TGS1: variants seen among roughly 807,000 people sequenced by gnomAD.
TGS1 encodes trimethylguanosine synthase 1.
A neutral mutation model predicts 92.2 loss-of-function variants in TGS1; 69 were observed. The observed-to-expected ratio is 0.75, with a 90% confidence interval of 0.62 to 0.91. The LOEUF is 0.91. TGS1 is among the 40% of genes least tolerant of loss of function. The pLI, the probability that TGS1 is intolerant of heterozygous loss-of-function variation, is 0.00. For missense variants in TGS1, 1,062 were observed against 1,001.2 expected, an observed-to-expected ratio of 1.06 and a Z score of -0.82; for synonymous variants, 345 against 338.1, an observed-to-expected ratio of 1.02 and a Z score of -0.22.
chr8:55,792,684 T>G lies in TGS1; in HGVS notation c.1281-14T>G, dbSNP rs531127742. 4.2e-5 allele frequency: 67 copies of G among 1,603,280 alleles called. No homozygotes were observed. In the South Asian group the frequency reaches 6.9e-4, roughly 17 times the overall value. On this transcript the variant is annotated splice_polypyrimidine_tract_variant and intron_variant, in intron 5 of 12. Coordinates refer to ENST00000260129, the MANE Select transcript of TGS1 (RefSeq NM_024831.8). ...TGGTAATGGCTTATCACTGTTTACC[T>G]TTTCTTTATTTAGCCATGAACTGGA...
Position 55,824,730 on chromosome 8 carries a change from T to C in TGS1, c.*27T>C. ...TATGCAGCAGTGCGAGGACAAAAGA[T>C]CATGGAGTGGTCAAAATATTCAGAT... On this transcript the variant is annotated 3_prime_UTR_variant, in exon 13 of 13. Transcript: ENST00000260129. 6.2e-7 allele frequency: 1 copy of C among 1,612,244 alleles called. No homozygotes were observed. Among genetic ancestry groups the C allele is most frequent in the Non-Finnish European group, 8.5e-7 (1 of 1,179,088 alleles).
chr8:55,784,702 G>A (rs946265568), intron 2 of TGS1, among the ~76,000 whole-genome samples: 1 of 152,182 alleles, frequency 6.6e-6, no homozygotes, highest in Non-Finnish European at 1.5e-5. Context: ...GTATTGAAGT[G>A]TCTGTGAGGG....
At position 55,781,090 on chromosome 8, in the gene TGS1, C is replaced by G. The variant is rs147498147; in HGVS notation, c.102-1658C>G. ...AGCTGGCTGCTCATTGTGCTTATTG[C>G]TCCTGTGCCCTCTTAGTAGAGAGAG... On this transcript the variant is annotated intron_variant, in intron 1 of 12. Coordinates refer to ENST00000260129, the MANE Select transcript of TGS1 (RefSeq NM_024831.8). 4.9e-4 allele frequency among the ~76,000 whole-genome samples: 75 copies of G among 152,294 alleles called. 1 individual carries two copies. The highest frequency in any genetic ancestry group is 1.7e-3 in the African/African-American group (70 of 41,568).
At chr8:55,821,453 C>T (rs768787852) in intron 12 of TGS1, among the ~76,000 whole-genome samples, 4 of 152,132 alleles carry the variant, frequency 2.6e-5, no homozygotes, top group Admixed American at 6.5e-5. Context: ...ATCTTACCTC[C>T]GTTTTTTATT....
chr8:55,824,921 T>C lies in TGS1; in HGVS notation c.*218T>C, dbSNP rs1803749957. The C allele has an allele frequency of 2.1e-6, 1 of 474,074 alleles. No homozygotes were observed. 29.4% of individuals were successfully genotyped at this position (474,074 alleles called of 1,614,324 possible). On this transcript the variant is annotated 3_prime_UTR_variant, in exon 13 of 13. Transcript: ENST00000260129. ...ACAAAATTAATATATATGAGTCCTT[T>C]GTAATTTATTTTTTTTTGAGACAGG...
At chr8:55,808,715 G>T (rs920604721) in intron 10 of TGS1, among the ~76,000 whole-genome samples, 1 of 151,938 alleles carries the variant, frequency 6.6e-6, no homozygotes, top group Non-Finnish European at 1.5e-5. Flanking sequence ...CACCATGTTG[G>T]CCAGGGTGGT....
At chr8:55,791,580 C>A (rs1811886538) in intron 5 of TGS1, among the ~76,000 whole-genome samples, 2 of 152,212 alleles carry the variant, frequency 1.3e-5, no homozygotes, top group Non-Finnish European at 2.9e-5. Flanking sequence ...TCAAAACTCA[C>A]CAGCTGTTTG....
At chr8:55,810,123 T>G (rs1803299428) in intron 10 of TGS1, among the ~76,000 whole-genome samples, 1 of 152,236 alleles carries the variant, frequency 6.6e-6, no homozygotes, top group Non-Finnish European at 1.5e-5. Flanking sequence ...ACAATTTCCA[T>G]GACAACCACG....
At chr8:55,810,746 A>G (rs1803315447) in intron 10 of TGS1, 135 bp from the exon 11 acceptor site, 1 of 677,634 alleles carries the variant, frequency 1.5e-6, no homozygotes, top group South Asian at 1.8e-5. Context: ...TATCTCGGGT[A>G]TATGTGGCCA....
intron 5 of TGS1, among the ~76,000 whole-genome samples, chr8:55,792,385 G>A (rs1811910757): frequency 6.6e-6 from 1 of 152,140 alleles, no homozygotes; most frequent in Non-Finnish European, 1.5e-5. Context: ...TAAGGCTGCA[G>A]CTTTTACTGA....
chr8:55,805,192 C>G (rs374628522), intron 10 of TGS1, among the ~76,000 whole-genome samples, 156 bp downstream of exon 10: 31 of 152,186 alleles, frequency 2.0e-4, no homozygotes, highest in African/African-American at 6.3e-4. Flanking sequence ...TAAGCATATA[C>G]TTTGTATTGC....
intron 1 of TGS1, among the ~76,000 whole-genome samples, chr8:55,774,834 G>T (rs1442698076): frequency 6.6e-6 from 1 of 152,206 alleles, no homozygotes; most frequent in African/African-American, 2.4e-5. Flanking sequence ...TGAGGAAGTA[G>T]CTTTTGGAAA....
chr8:55,790,954 T>C (rs1394176263), intron 5 of TGS1, among the ~76,000 whole-genome samples: 1 of 128,574 alleles, frequency 7.8e-6, no homozygotes. Flanking sequence ...AACTAATAAT[T>C]AAATTCATAT....
chr8:55,788,779 T>C (rs1563454719), intron 4 of TGS1, among the ~76,000 whole-genome samples: 1 of 152,166 alleles, frequency 6.6e-6, no homozygotes, highest in Non-Finnish European at 1.5e-5. Flanking sequence ...CTGAAGATTT[T>C]ATATTAGTAT....
At chr8:55,802,645 C>G in intron 9 of TGS1, 39 bp downstream of exon 9, 2 of 1,550,606 alleles carry the variant, frequency 1.3e-6, no homozygotes, top group Non-Finnish European at 1.7e-6. Context: ...ATTTTGAAAC[C>G]ACTTCAAACT....
Position 55,786,490 on chromosome 8 carries a change from T to C in TGS1, c.592T>C (p.Trp198Arg), listed in dbSNP as rs1362198594. The C allele has an allele frequency of 6.2e-7, 1 of 1,613,876 alleles. No homozygotes were observed. Among genetic ancestry groups the C allele is most frequent in the Admixed American group, 1.7e-5 (1 of 59,976 alleles). Residue 198 changes from tryptophan (W) to arginine (R), a missense_variant, in exon 4 of 13, where the codon TGG becomes CGG. By Grantham distance (101) the Trp-to-Arg change is moderately radical. Coordinates refer to ENST00000260129, the MANE Select transcript of TGS1 (RefSeq NM_024831.8). ...LSPKLEITEK[W>R]EKYWNEYGGG... is the part of the protein sequence containing the mutation. ...TCCAAAGCTAGAAATTACAGAGAAA[T>C]GGGAAAAGTATTGGAATGAATATGG...
At chr8:55,785,953 GA>G (rs1811697640) in intron 3 of TGS1, 62 bp downstream of exon 3, 6 of 1,388,180 alleles carry the variant, frequency 4.3e-6, no homozygotes, top group Middle Eastern at 1.9e-4. Flanking sequence ...ATATCGCAAG[GA>G]ATTACTTTTT....
At position 55,811,577 on chromosome 8, in the gene TGS1, C is replaced by T. The variant is rs573143792; in HGVS notation, c.2360+480C>T. The stretch of plus-strand genomic sequence containing the variant: ...GAGATCGAGACCATCCTGGCTAACA[C>T]GGTGAAACCTCATCTCTACTAAAAA... On this transcript the variant is annotated intron_variant, in intron 11 of 12. Coordinates refer to ENST00000260129, the MANE Select transcript of TGS1 (RefSeq NM_024831.8). Among the ~76,000 whole-genome samples, 58 of 151,540 alleles carry T rather than the reference C, an allele frequency of 3.8e-4. 1 individual carries two copies. The East Asian group carries it at 8.8e-3, about 23-fold the overall frequency.
Position 55,786,307 on chromosome 8 carries a change from A to C in TGS1, c.409A>C (p.Ile137Leu). ...KKHQKKYLDE[I>L]VQESWRKEYE... ...ACATCAAAAGAAATACTTAGATGAA[A>C]TTGTGCAAGAATCTTGGAGAAAAGA... Residue 137 changes from isoleucine (I) to leucine (L), a missense_variant, in exon 4 of 13, where the codon ATT becomes CTT. By Grantham distance (5) the Ile-to-Leu change is conservative (BLOSUM62 2). Transcript: ENST00000260129. The C allele has an allele frequency of 6.3e-7, 1 of 1,585,364 alleles. No individual in the cohort carries two copies. Among genetic ancestry groups the C allele is most frequent in the East Asian group, 2.2e-5 (1 of 44,682 alleles).
Sources: gnomAD v4.1 joint callset for allele counts (sites outside exome capture counted in the v4.1 genomes callset) on GRCh38, gnomAD v4.1.1 for gene constraint, MANE v1.5 for transcripts, NCBI Gene and HGNC (gene_info 2026-07-23, HGNC 2026-07-21) for gene names.